The following TRIM5 variants were observed in gnomAD, a reference collection of about 807,000 sequenced individuals.
The protein encoded by TRIM5 is tripartite motif containing 5.
TRIM5 carries 31 observed loss-of-function variants against 35.6 expected under a neutral mutation model. The observed-to-expected ratio is 0.87, with a 90% confidence interval of 0.65 to 1.18. The LOEUF (loss-of-function observed/expected upper bound fraction) is 1.18. Among genes scored for constraint, TRIM5 ranks in the 50% most tolerant of loss-of-function variants. The probability of loss-of-function intolerance (pLI) is 0.00; values close to 1 mark genes in which losing one functional copy is unlikely to be tolerated. For synonymous variants in TRIM5, 243 were observed against 215.6 expected, an observed-to-expected ratio of 1.13 and a Z score of -1.11; for missense variants, 609 against 591.6, an observed-to-expected ratio of 1.03 and a Z score of -0.31.
the TRIM5 span, chr11:5,603,170 G>A: frequency 2.6e-6 from 4 of 1,548,826 alleles, no homozygotes; most frequent in South Asian, 3.8e-5. Flanking sequence ...TCTTTATCCA[G>A]GACTGGGCAG....
chr11:5,617,932 A>G, the TRIM5 span, among the ~76,000 whole-genome samples: 1 of 152,098 alleles, frequency 6.6e-6, no homozygotes. Flanking sequence ...TTGACCTACA[A>G]AACAGGGCAG....
At chr11:5,672,725 C>T (rs1430145812) in intron 4 of TRIM5, among the ~76,000 whole-genome samples, 1 of 151,918 alleles carries the variant, frequency 6.6e-6, no homozygotes, top group Non-Finnish European at 1.5e-5. Flanking sequence ...TAATTCAATA[C>T]TATATTAATA....
chr11:5,679,142 G>C lies in TRIM5; in HGVS notation c.445C>G (p.Leu149Val), dbSNP rs527675594. The change falls in exon 3 of 8, where the codon CTG becomes GTG. Residue 149 changes from leucine (L) to valine (V), a missense_variant. Coordinates refer to ENST00000380034, the MANE Select transcript of TRIM5 (RefSeq NM_033034.3). ...QVKLQAALEM[L>V]RQKQQEAEEL... is the part of the protein sequence containing the mutation. The stretch of plus-strand genomic sequence containing the variant: ...TCAGCTTCCTGCTGCTTCTGCCTCA[G>C]CATCTCCAGAGCTGCCTGGAGCTTC... 23 of 1,613,986 alleles carry C rather than the reference G, an allele frequency of 1.4e-5. No homozygotes were observed. In the African/African-American group the frequency reaches 2.7e-4, roughly 19 times the overall value.
At chr11:5,661,874 T>C (rs942784717), downstream of TRIM5, among the ~76,000 whole-genome samples, 1 of 152,232 alleles carries the variant, frequency 6.6e-6, no homozygotes, top group Non-Finnish European at 1.5e-5. Context: ...TTCTGTTGTA[T>C]ATACAAATTC....
chr11:5,632,483 G>A, the TRIM5 span: 22 of 1,613,960 alleles, frequency 1.4e-5, no homozygotes, highest in Non-Finnish European at 1.9e-5. Context: ...ACCAGCATGG[G>A]AGGAAAAAGC....
chr11:5,661,639 A>C (rs1471323065), downstream of TRIM5, among the ~76,000 whole-genome samples: 3 of 152,174 alleles, frequency 2.0e-5, no homozygotes, highest in Non-Finnish European at 4.4e-5. Flanking sequence ...AGAGGTTCAG[A>C]AGTGATGGGG....
At chr11:5,603,447 A>G in the TRIM5 span, 6 of 1,614,126 alleles carry the variant, frequency 3.7e-6, no homozygotes, top group African/African-American at 4.0e-5. Flanking sequence ...ATGGCAGGGA[A>G]TCAGTGATTG....
At chr11:5,596,528 TTCCCCCTTCCCCCTTCCCCC>T in the TRIM5 span, 5 of 4,866 alleles carry the variant, frequency 1.0e-3, no homozygotes, top group Admixed American at 0.013. Flanking sequence ...CCTTCCCCCC[TTCCCCCTTCCCCCTTCCCCC>T]TTCCCCCTTC....
the TRIM5 span, among the ~76,000 whole-genome samples, chr11:5,651,820 T>C: frequency 1.3e-5 from 2 of 152,200 alleles, no homozygotes; most frequent in Non-Finnish European, 2.9e-5. Flanking sequence ...TTTTTTTACT[T>C]TTTAATAATA....
chr11:5,636,205 GAATT>G, the TRIM5 span, among the ~76,000 whole-genome samples: 1 of 152,138 alleles, frequency 6.6e-6, no homozygotes, highest in South Asian at 2.1e-4. Context: ...GAAAAATAAT[GAATT>G]AATAATACAT....
the TRIM5 span, chr11:5,634,650 G>A: frequency 6.2e-7 from 1 of 1,613,286 alleles, no homozygotes; most frequent in Non-Finnish European, 8.5e-7. Context: ...CAAACTGAGA[G>A]ACAAAGGATA....
At chr11:5,627,899 GAGAGACTT>G in the TRIM5 span, among the ~76,000 whole-genome samples, 1 of 152,216 alleles carries the variant, frequency 6.6e-6, no homozygotes. Flanking sequence ...TCTACCTGCA[GAGAGACTT>G]AAAGTTTGCA....
At chr11:5,601,277 G>A in the TRIM5 span, among the ~76,000 whole-genome samples, 1 of 152,168 alleles carries the variant, frequency 6.6e-6, no homozygotes, top group Non-Finnish European at 1.5e-5. Flanking sequence ...TAGCACCCTG[G>A]AAAGGTTAGG....
the TRIM5 span, among the ~76,000 whole-genome samples, chr11:5,650,080 G>C: frequency 1.8e-4 from 27 of 152,300 alleles, no homozygotes; most frequent in African/African-American, 6.3e-4. Context: ...TACCATGGTG[G>C]TAAATGAGGC....
At position 5,666,080 on chromosome 11, in the gene TRIM5, TC is replaced by T; in HGVS notation, c.768del (p.Thr257ArgfsTer4). 1 of 1,554,828 alleles carries T rather than the reference TC, an allele frequency of 6.4e-7. No individual in the cohort carries two copies. Among genetic ancestry groups the T allele is most frequent in the Admixed American group, 2.0e-5 (1 of 50,206 alleles). On this transcript the variant is annotated frameshift_variant and splice_region_variant, in exon 6 of 8. Coordinates refer to ENST00000380034, the MANE Select transcript of TRIM5 (RefSeq NM_033034.3). LOFTEE classifies it high-confidence loss of function. The stretch of plus-strand genomic sequence containing the variant: ...GGCTTCTTCAAGGTCACGTTCTCCG[TC>T]CTAAGAATTAAAAAAAAAAAAAAAA... ...LLQGVDGVIK[R>X]TENVTLKKPE...
the TRIM5 span, chr11:5,643,221 C>G: frequency 6.2e-7 from 1 of 1,612,488 alleles, no homozygotes; most frequent in Non-Finnish European, 8.5e-7. Flanking sequence ...GATATCTGTG[C>G]CAATTTGGCC....
At chr11:5,632,280 A>G in the TRIM5 span, 2 of 1,612,142 alleles carry the variant, frequency 1.2e-6, no homozygotes, top group East Asian at 2.2e-5. Context: ...TAACCAGAAG[A>G]GAGAGGAGAG....
intron 4 of TRIM5, among the ~76,000 whole-genome samples, chr11:5,668,658 C>T (rs1381953995): frequency 6.6e-6 from 1 of 152,108 alleles, no homozygotes; most frequent in Non-Finnish European, 1.5e-5. Context: ...CCATGTTGGT[C>T]AGGCTGGTCT....
At chr11:5,603,529 C>A in the TRIM5 span, 1 of 1,614,114 alleles carries the variant, frequency 6.2e-7, no homozygotes, top group South Asian at 1.1e-5. Flanking sequence ...GCCTAATCGG[C>A]ATCTGGCCAA....
Sources: allele counts gnomAD v4.1 joint callset (sites outside exome capture counted in the v4.1 genomes callset), GRCh38; gene constraint gnomAD v4.1.1; transcripts MANE v1.5; gene names NCBI Gene and HGNC (gene_info 2026-07-23, HGNC 2026-07-21).